SNAP23: variants seen among roughly 807,000 people sequenced by gnomAD.
SNAP23 encodes synaptosomal-associated protein 23.
A neutral mutation model predicts 29.0 loss-of-function variants in SNAP23; 11 were observed. The ratio of observed to expected loss-of-function variants is 0.38; its 90% CI spans 0.24 to 0.63. The LOEUF (loss-of-function observed/expected upper bound fraction) is 0.63, where lower values mean the gene tolerates loss of function less well. Among genes scored for constraint, SNAP23 ranks in the 20% least tolerant of loss-of-function variants. The pLI is 0.58. For synonymous variants in SNAP23, 60 were observed against 82.9 expected (o/e 0.72, Z 1.50); for missense variants, 220 against 253.9 (o/e 0.87, Z 0.91).
intron 5 of SNAP23, among the ~76,000 whole-genome samples, chr15:42,524,365 G>A (rs6493049): frequency 1.1e-4 from 16 of 152,014 alleles, no homozygotes; most frequent in African/African-American, 3.9e-4. Context: ...TACAGCAGGG[G>A]CCCTCAACCC....
intron 6 of SNAP23, among the ~76,000 whole-genome samples, chr15:42,528,772 G>T (rs990548665): frequency 1.3e-5 from 2 of 152,068 alleles, no homozygotes; most frequent in African/African-American, 4.8e-5. Flanking sequence ...TTTTAGTAGA[G>T]ACAGGGTTTC....
At chr15:42,526,533 A>G (rs910934333) in intron 5 of SNAP23, among the ~76,000 whole-genome samples, 1 of 152,214 alleles carries the variant, frequency 6.6e-6, no homozygotes, top group Non-Finnish European at 1.5e-5. Flanking sequence ...GGTTTGCCGA[A>G]AATGAATCCT....
At chr15:42,500,282 T>C (rs2057258023) in intron 1 of SNAP23, among the ~76,000 whole-genome samples, 1 of 151,968 alleles carries the variant, frequency 6.6e-6, no homozygotes, top group Non-Finnish European at 1.5e-5. Context: ...TATTATAATG[T>C]TGCTTATCTC....
chr15:42,521,698 G>A (rs1213577953), intron 5 of SNAP23: 2 of 947,446 alleles, frequency 2.1e-6, no homozygotes, highest in African/African-American at 3.3e-5. Flanking sequence ...CTGCTAACCT[G>A]CTATCTAAAG....
intron 1 of SNAP23, among the ~76,000 whole-genome samples, chr15:42,497,106 G>A (rs767052258): frequency 1.3e-5 from 2 of 149,484 alleles, no homozygotes; most frequent in East Asian, 2.0e-4. Context: ...GCAGTGGCGC[G>A]ATCTTGGCTT....
intron 1 of SNAP23, among the ~76,000 whole-genome samples, chr15:42,505,899 CCCTT>C (rs1289682995): frequency 2.0e-5 from 3 of 151,374 alleles, no homozygotes; most frequent in Admixed American, 6.6e-5. Context: ...CTCCCTCCCT[CCCTT>C]CCATTTCTTT....
At chr15:42,514,526 CTTGAG>C (rs1056122120) in intron 4 of SNAP23, among the ~76,000 whole-genome samples, 7 of 152,108 alleles carry the variant, frequency 4.6e-5, no homozygotes, top group African/African-American at 9.7e-5. Context: ...CTTGGAAACA[CTTGAG>C]TTGAGTTGGC....
chr15:42,501,120 G>C (rs976043744), intron 1 of SNAP23, among the ~76,000 whole-genome samples: 21 of 152,170 alleles, frequency 1.4e-4, no homozygotes, highest in African/African-American at 5.1e-4. Flanking sequence ...AGGAGCATCA[G>C]TTGAGGTCAG....
At chr15:42,528,141 A>G in intron 5 of SNAP23, 121 bp from the exon 6 acceptor site, 17 of 603,300 alleles carry the variant, frequency 2.8e-5, no homozygotes, top group South Asian at 8.7e-5. Flanking sequence ...ATCTAGACTT[A>G]GCTGTATGCA....
At chr15:42,526,065 T>TA (rs1289173803) in intron 5 of SNAP23, among the ~76,000 whole-genome samples, 3 of 152,202 alleles carry the variant, frequency 2.0e-5, no homozygotes, top group Non-Finnish European at 4.4e-5. Flanking sequence ...TCTCATTAGT[T>TA]ACTTTGGAAT....
In SNAP23 at chr15:42,518,713, C is replaced by T. The variant is rs1176311318; in HGVS notation, c.266+3359C>T. Among the ~76,000 whole-genome samples the T allele has an allele frequency of 3.3e-5, 5 of 152,048 alleles. No individual in the cohort carries two copies. The South Asian group carries it at 6.2e-4, about 19-fold the overall frequency. ...GGATTGCAGGCATGAGCCATTAAGCCCTGCTGGCCATTCAGAAATCTAAAA... is the reference window on the plus strand; with the variant it reads ...GGATTGCAGGCATGAGCCATTAAGCTCTGCTGGCCATTCAGAAATCTAAAA... On this transcript the variant is annotated intron_variant, in intron 5 of 7. Coordinates refer to ENST00000249647, the MANE Select transcript of SNAP23 (RefSeq NM_003825.4).
At chr15:42,517,499 A>G (rs2057407329) in intron 5 of SNAP23, among the ~76,000 whole-genome samples, 1 of 152,170 alleles carries the variant, frequency 6.6e-6, no homozygotes, top group Admixed American at 6.6e-5. Flanking sequence ...GTTGATAAAT[A>G]GGAAGAGCAC....
At chr15:42,527,608 G>T (rs2057515996) in intron 5 of SNAP23, among the ~76,000 whole-genome samples, 1 of 151,828 alleles carries the variant, frequency 6.6e-6, no homozygotes, top group Non-Finnish European at 1.5e-5. Context: ...TGGCTCACGA[G>T]CCTGTAGTCC....
rs767525206 is a variant in SNAP23, at chr15:42,529,794, C to T, written c.545C>T (p.Pro182Leu). ...NIGNEIDAQN[P>L]QIKRITDKAD... The stretch of plus-strand genomic sequence containing the variant: ...GGCAATGAGATTGATGCTCAAAATC[C>T]ACAAATAAAACGAATCACAGACAAG... Residue 182 changes from proline to leucine, a missense_variant, in exon 7 of 8, where the codon CCA becomes CTA. Transcript: ENST00000249647. 3.1e-6 allele frequency: 5 copies of T among 1,612,730 alleles called. No homozygotes were observed. In the South Asian group the frequency reaches 3.3e-5, roughly 11 times the overall value.
rs532517912 is a variant in SNAP23, at chr15:42,523,810, G to T, written c.267-4452G>T. Among the ~76,000 whole-genome samples, 18 of 151,734 alleles carry T rather than the reference G, an allele frequency of 1.2e-4. 1 individual carries two copies. In the South Asian group the frequency reaches 2.3e-3, roughly 19 times the overall value. ...GTTACTTTTTTGTTTTTTGTTTTTT[G>T]TTTGTTTGTTTGTTTGTTTATTTTT... On this transcript the variant is annotated intron_variant, in intron 5 of 7. Transcript: ENST00000249647.
At chr15:42,516,489 C>A (rs2057398153) in intron 5 of SNAP23, among the ~76,000 whole-genome samples, 1 of 152,112 alleles carries the variant, frequency 6.6e-6, no homozygotes. Context: ...TGCCACCACA[C>A]CCAGCTAATT....
intron 1 of SNAP23, among the ~76,000 whole-genome samples, chr15:42,506,538 A>C (rs2057318510): frequency 6.6e-6 from 1 of 152,244 alleles, no homozygotes; most frequent in African/African-American, 2.4e-5. Flanking sequence ...GTGCCTAGCC[A>C]ATAGACTTCT....
At chr15:42,508,814 A>C (rs1291437167) in intron 1 of SNAP23, among the ~76,000 whole-genome samples, 1 of 152,174 alleles carries the variant, frequency 6.6e-6, no homozygotes, top group African/African-American at 2.4e-5. Context: ...AAATTACATA[A>C]TTTGTGATAT....
At chr15:42,515,620 A>G (rs2057391513) in intron 5 of SNAP23, among the ~76,000 whole-genome samples, 1 of 152,250 alleles carries the variant, frequency 6.6e-6, no homozygotes, top group Non-Finnish European at 1.5e-5. Flanking sequence ...AGGGAAATGT[A>G]TATCTGGATG....
Sources: gnomAD v4.1 joint callset for allele counts (sites outside exome capture counted in the v4.1 genomes callset) on GRCh38, gnomAD v4.1.1 for gene constraint, MANE v1.5 for transcripts, NCBI Gene and HGNC (gene_info 2026-07-23, HGNC 2026-07-21) for gene names.